Variants in SND1 observed in about 807,000 individuals in gnomAD.
SND1 encodes staphylococcal nuclease domain-containing protein 1.
A neutral mutation model predicts 121.7 loss-of-function variants in SND1; 38 were observed. The observed-to-expected ratio is 0.31, with a 90% CI of 0.24 to 0.41. SND1 has a LOEUF of 0.41. Among genes scored for constraint, SND1 ranks in the 10% least tolerant of loss-of-function variants. The pLI is 1.00. For missense variants in SND1, 868 were observed against 1,184.6 expected (o/e 0.73, Z 3.92); for synonymous variants, 401 against 447.4 (o/e 0.90, Z 1.31).
At chr7:127,901,687 C>T (rs1358766438) in intron 13 of SND1, among the ~76,000 whole-genome samples, 2 of 152,136 alleles carry the variant, frequency 1.3e-5, no homozygotes, top group Non-Finnish European at 1.5e-5. Flanking sequence ...GCTTCTCTTT[C>T]ATGAAGAATT....
chr7:127,771,825 G>A (rs1797517129), intron 10 of SND1, among the ~76,000 whole-genome samples: 1 of 151,982 alleles, frequency 6.6e-6, no homozygotes, highest in East Asian at 1.9e-4. Context: ...TCATTATTTG[G>A]TTTTAACCCC....
intron 10 of SND1, among the ~76,000 whole-genome samples, chr7:127,723,867 A>G (rs1009760925): frequency 2.0e-5 from 3 of 152,280 alleles, no homozygotes; most frequent in Non-Finnish European, 2.9e-5. Context: ...CCAAATTATT[A>G]TATCATTTCA....
chr7:127,653,328 CA>C (rs1404580129), intron 1 of SND1, among the ~76,000 whole-genome samples: 1 of 152,184 alleles, frequency 6.6e-6, no homozygotes, highest in Non-Finnish European at 1.5e-5. Flanking sequence ...TTGTCCTCCC[CA>C]AAACCCTTCC....
At chr7:127,981,253 A>G (rs1323686650) in intron 15 of SND1, among the ~76,000 whole-genome samples, 2 of 152,028 alleles carry the variant, frequency 1.3e-5, no homozygotes, top group Admixed American at 6.5e-5. Flanking sequence ...TTTGGTATGG[A>G]TAATAAAGAG....
At chr7:127,663,235 G>C (rs558715685) in intron 1 of SND1, among the ~76,000 whole-genome samples, 1 of 152,184 alleles carries the variant, frequency 6.6e-6, no homozygotes, top group East Asian at 1.9e-4. Flanking sequence ...ACCTAATACA[G>C]TGTAAATGCT....
chr7:127,740,551 G>T (rs903965422), intron 10 of SND1, among the ~76,000 whole-genome samples: 1 of 152,170 alleles, frequency 6.6e-6, no homozygotes. Context: ...GCAGAATAAT[G>T]CAGAGGAAAA....
chr7:127,687,311 A>T (rs1795830243), intron 2 of SND1, among the ~76,000 whole-genome samples: 2 of 152,142 alleles, frequency 1.3e-5, no homozygotes, highest in African/African-American at 4.8e-5. Context: ...TTATTATTTT[A>T]TTAAAGATTG....
At chr7:128,077,957 G>A (rs1244503130) in intron 17 of SND1, among the ~76,000 whole-genome samples, 1 of 152,226 alleles carries the variant, frequency 6.6e-6, no homozygotes, top group Non-Finnish European at 1.5e-5. Flanking sequence ...TCTCCCCAGA[G>A]GTCCAGGAAG....
At chr7:128,065,066 G>GTC (rs1793289818) in intron 16 of SND1, among the ~76,000 whole-genome samples, 1 of 152,190 alleles carries the variant, frequency 6.6e-6, no homozygotes, top group South Asian at 2.1e-4. Flanking sequence ...TGGGATATGA[G>GTC]TCAAAGCAAG....
intron 10 of SND1, among the ~76,000 whole-genome samples, chr7:127,782,191 G>A (rs1186848022): frequency 2.0e-5 from 3 of 152,184 alleles, no homozygotes; most frequent in African/African-American, 7.2e-5. Context: ...AAGCAGGGGA[G>A]ATTAATCTAA....
At chr7:127,818,615 C>T (rs1563024220) in intron 11 of SND1, among the ~76,000 whole-genome samples, 1 of 152,134 alleles carries the variant, frequency 6.6e-6, no homozygotes, top group South Asian at 2.1e-4. Flanking sequence ...GTGCCTTGCT[C>T]CACTCTGCTG....
intron 12 of SND1, among the ~76,000 whole-genome samples, chr7:127,864,334 A>T (rs1176450920): frequency 6.6e-6 from 1 of 151,304 alleles, no homozygotes; most frequent in African/African-American, 2.4e-5. Context: ...CTTCCTTCCA[A>T]TTGAGCCATC....
chr7:127,988,205 C>G (rs1802438610), intron 15 of SND1, among the ~76,000 whole-genome samples: 1 of 152,222 alleles, frequency 6.6e-6, no homozygotes, highest in African/African-American at 2.4e-5. Context: ...CGGCAAATTT[C>G]TAATACTCAG....
At chr7:127,872,613 T>C (rs1261118632) in intron 12 of SND1, among the ~76,000 whole-genome samples, 1 of 139,970 alleles carries the variant, frequency 7.1e-6, no homozygotes, top group Non-Finnish European at 1.5e-5. Flanking sequence ...ACATTAGACC[T>C]TTTTTAACAC....
chr7:127,670,954 G>A (rs1044134996), intron 1 of SND1, among the ~76,000 whole-genome samples: 1 of 152,016 alleles, frequency 6.6e-6, no homozygotes, highest in African/African-American at 2.4e-5. Flanking sequence ...TTTGAATTCT[G>A]TGATTTGAAA....
chr7:127,922,980 A>G (rs1444122275), intron 14 of SND1, among the ~76,000 whole-genome samples: 1 of 152,164 alleles, frequency 6.6e-6, no homozygotes, highest in Non-Finnish European at 1.5e-5. Context: ...TAAACCACAG[A>G]CAACACTTAA....
chr7:127,660,409 C>A (rs1001816781), intron 1 of SND1, among the ~76,000 whole-genome samples: 2 of 152,124 alleles, frequency 1.3e-5, no homozygotes, highest in Non-Finnish European at 2.9e-5. Context: ...AGTGTGGGGG[C>A]TAATAGGGTC....
intron 11 of SND1, among the ~76,000 whole-genome samples, chr7:127,827,831 A>G (rs1271359058): frequency 1.3e-5 from 2 of 152,186 alleles, no homozygotes; most frequent in African/African-American, 4.8e-5. Flanking sequence ...AGAAAAATAA[A>G]GGAATAGTAT....
At chr7:128,025,526 C>G (rs1312950277) in intron 16 of SND1, among the ~76,000 whole-genome samples, 1 of 152,122 alleles carries the variant, frequency 6.6e-6, no homozygotes, top group East Asian at 1.9e-4. Context: ...ATAACTACCC[C>G]CTAAAGAGCT....
Sources: allele counts gnomAD v4.1 joint callset (sites outside exome capture counted in the v4.1 genomes callset), GRCh38; gene constraint gnomAD v4.1.1; transcripts MANE v1.5; gene names NCBI Gene and HGNC (gene_info 2026-07-23, HGNC 2026-07-21).